The following NCOA3 variants were observed in gnomAD, a reference collection of about 807,000 sequenced individuals.
The protein encoded by NCOA3 is nuclear receptor coactivator 3.
A neutral mutation model predicts 158.8 loss-of-function variants in NCOA3; 51 were observed. That is an observed-to-expected ratio of 0.32 (90% confidence interval 0.26 to 0.41). The LOEUF (loss-of-function observed/expected upper bound fraction) is 0.41. Among genes scored for constraint, NCOA3 ranks in the 10% least tolerant of loss-of-function variants. The pLI, the probability that NCOA3 is intolerant of heterozygous loss-of-function variation, is 1.00. For synonymous variants in NCOA3, 537 were observed against 592.4 expected, an observed-to-expected ratio of 0.91 and a Z score of 1.36; for missense variants, 1,510 against 1,746.6, an observed-to-expected ratio of 0.86 and a Z score of 2.41.
chr20:47,652,264 C>CT (rs1032488108), intron 20 of NCOA3, 142 bp from the exon 21 acceptor site: 1 of 590,804 alleles, frequency 1.7e-6, no homozygotes, highest in African/African-American at 1.8e-5. Flanking sequence ...GGGGCAGCAT[C>CT]TTATAGCACT....
intron 2 of NCOA3, among the ~76,000 whole-genome samples, chr20:47,616,916 G>C (rs2086148845): frequency 6.6e-6 from 1 of 152,146 alleles, no homozygotes; most frequent in African/African-American, 2.4e-5. Flanking sequence ...TCTAATTGTA[G>C]GGAGTCAGAA....
intron 1 of NCOA3, among the ~76,000 whole-genome samples, chr20:47,543,008 C>G (rs545563439): frequency 6.6e-6 from 1 of 152,278 alleles, no homozygotes; most frequent in Admixed American, 6.5e-5. Context: ...TATTTATTAT[C>G]TTCCACAGTT....
At chr20:47,576,285 G>C (rs368242336) in intron 1 of NCOA3, among the ~76,000 whole-genome samples, 1 of 152,138 alleles carries the variant, frequency 6.6e-6, no homozygotes, top group Non-Finnish European at 1.5e-5. Flanking sequence ...CCTTCAGTTA[G>C]ATGTCTTTAT....
Position 47,606,451 on chromosome 20 carries a change from T to G in NCOA3, c.-19-15778T>G, listed in dbSNP as rs1227827919. Among the ~76,000 whole-genome samples the G allele has an allele frequency of 2.6e-5, 4 of 152,136 alleles. No homozygotes were observed. In the East Asian group the frequency reaches 5.8e-4, roughly 22 times the overall value. ...CCAGACTCCGCTCCTAGGTAGACAT[T>G]GCATTCTTCACTGCCAGGAGCTCAT... On this transcript the variant is annotated intron_variant, in intron 2 of 22. Transcript: ENST00000371998.
At chr20:47,563,583 G>T (rs148137940) in intron 1 of NCOA3, among the ~76,000 whole-genome samples, 15 of 152,280 alleles carry the variant, frequency 9.9e-5, no homozygotes, top group African/African-American at 3.6e-4. Context: ...TGTAATCCCA[G>T]CAGTTTAAGT....
intron 17 of NCOA3, 65 bp downstream of exon 17, chr20:47,642,449 T>C: frequency 1.7e-6 from 2 of 1,143,836 alleles, no homozygotes; most frequent in South Asian, 4.8e-5. Flanking sequence ...TACACATTCA[T>C]GAAGCCACAT....
At chr20:47,626,831 C>T (rs1180536318) in intron 5 of NCOA3, among the ~76,000 whole-genome samples, 171 bp from the exon 6 acceptor site, 1 of 152,122 alleles carries the variant, frequency 6.6e-6, no homozygotes, top group Non-Finnish European at 1.5e-5. Flanking sequence ...GGATACCAGT[C>T]ATATTGGATT....
At position 47,654,848 on chromosome 20, in the gene NCOA3, C is replaced by CTGTGTGTGTGTGTGTATGTG. The variant is rs1372475120; in HGVS notation, c.*1451_*1470dup. ...GTCCGAAATAATAGCAATTCATGGG[C>CTGTGTGTGTGTGTGTATGTG]TGTGTGTGTGTGTGTATGTGTGTGT... On this transcript the variant is annotated 3_prime_UTR_variant, in exon 23 of 23. Coordinates refer to ENST00000371998, the MANE Select transcript of NCOA3 (RefSeq NM_181659.3). 1 of 146,638 alleles carries CTGTGTGTGTGTGTGTATGTG rather than the reference C, an allele frequency of 6.8e-6. No individual in the cohort carries two copies. Among genetic ancestry groups the CTGTGTGTGTGTGTGTATGTG allele is most frequent in the Non-Finnish European group, 1.5e-5 (1 of 66,852 alleles). The allele number at this position is 146,638 out of a possible 1,614,324, so 9.1% of individuals were successfully genotyped here. A position where few individuals can be genotyped will look rare whatever the true frequency, so the allele number is the denominator to read the frequency against.
intron 1 of NCOA3, among the ~76,000 whole-genome samples, chr20:47,525,556 C>CG (rs1257056816): frequency 1.7e-5 from 2 of 118,262 alleles, no homozygotes. Context: ...GCTGGCCGGA[C>CG]GGGGGGCTGA....
intron 1 of NCOA3, among the ~76,000 whole-genome samples, chr20:47,522,406 CTTT>C (rs3091963): frequency 2.8e-4 from 36 of 128,132 alleles, no homozygotes; most frequent in African/African-American, 6.8e-4. Context: ...GCGCCCGGCC[CTTT>C]TTTTTTTTTT....
In NCOA3 at chr20:47,637,163, A is replaced by G. The variant is rs536606685; in HGVS notation, c.2376+401A>G. 9.2e-5 allele frequency among the ~76,000 whole-genome samples: 14 copies of G among 152,348 alleles called. No individual in the cohort carries two copies. The South Asian group carries it at 2.9e-3, about 32-fold the overall frequency. On this transcript the variant is annotated intron_variant, in intron 12 of 22. Transcript: ENST00000371998. ...TAAGCATTTCCCAAACTTATAGGAT[A>G]TATTAATATGCACTTGAGAAAATGA...
chr20:47,516,286 A>G (rs1602328555), intron 1 of NCOA3, among the ~76,000 whole-genome samples: 1 of 152,098 alleles, frequency 6.6e-6, no homozygotes, highest in African/African-American at 2.4e-5. Flanking sequence ...CAGGAGGTAT[A>G]TGGCAAATCT....
At chr20:47,645,249 G>T (rs2086668896) in intron 17 of NCOA3, among the ~76,000 whole-genome samples, 1 of 151,940 alleles carries the variant, frequency 6.6e-6, no homozygotes, top group African/African-American at 2.4e-5. Context: ...CCTTTGTCGG[G>T]TAGGTAGAAG....
At chr20:47,558,625 C>T (rs1460027471) in intron 1 of NCOA3, among the ~76,000 whole-genome samples, 1 of 152,146 alleles carries the variant, frequency 6.6e-6, no homozygotes, top group African/African-American at 2.4e-5. Flanking sequence ...TGGAACCCTT[C>T]TGCCAGATTG....
intron 1 of NCOA3, among the ~76,000 whole-genome samples, chr20:47,554,174 T>C (rs2084966367): frequency 6.6e-6 from 1 of 152,178 alleles, no homozygotes; most frequent in African/African-American, 2.4e-5. Context: ...TTTTCATGTG[T>C]TTTTTGGCTG....
intron 1 of NCOA3, among the ~76,000 whole-genome samples, chr20:47,582,255 C>T (rs1462739921): frequency 6.6e-6 from 1 of 152,028 alleles, no homozygotes; most frequent in Non-Finnish European, 1.5e-5. Flanking sequence ...TTTTGTTGCC[C>T]AGGCTAGAGC....
intron 1 of NCOA3, among the ~76,000 whole-genome samples, chr20:47,558,777 C>T (rs1414419883): frequency 6.7e-6 from 1 of 149,392 alleles, no homozygotes; most frequent in Non-Finnish European, 1.5e-5. Flanking sequence ...TTACATTTCT[C>T]TAAGATCCAT....
At position 47,543,490 on chromosome 20, in the gene NCOA3, TTTTC is replaced by T. The variant is rs1414004741; in HGVS notation, c.-98-39682_-98-39679del. On this transcript the variant is annotated intron_variant, in intron 1 of 22. Transcript: ENST00000371998. ...TTAGCAGATACTATAAAGAAAAACT[TTTTC>T]TTTCTTTCTTCTTCTTCTTTTTTTT... Among the ~76,000 whole-genome samples the T allele has an allele frequency of 2.6e-5, 4 of 151,952 alleles. No homozygotes were observed. The East Asian group carries it at 5.8e-4, about 22-fold the overall frequency.
At chr20:47,581,554 A>G (rs2085452655) in intron 1 of NCOA3, among the ~76,000 whole-genome samples, 1 of 152,214 alleles carries the variant, frequency 6.6e-6, no homozygotes, top group South Asian at 2.1e-4. Context: ...TTGTGAATAT[A>G]TCATTTTTCC....
Sources: allele counts gnomAD v4.1 joint callset (sites outside exome capture counted in the v4.1 genomes callset), GRCh38; gene constraint gnomAD v4.1.1; transcripts MANE v1.5; gene names NCBI Gene and HGNC (gene_info 2026-07-23, HGNC 2026-07-21).